Variants in TSHZ3 observed in about 807,000 individuals in gnomAD.
TSHZ3 encodes the protein teashirt homolog 3.
TSHZ3 carries 10 observed loss-of-function variants against 64.5 expected under a neutral mutation model. The ratio of observed to expected loss-of-function variants is 0.16; its 90% CI spans 0.10 to 0.26. The LOEUF (loss-of-function observed/expected upper bound fraction) is 0.26. Ranked by LOEUF, TSHZ3 falls within the 10% of genes least tolerant of loss-of-function variation. The pLI is 1.00. For synonymous variants in TSHZ3, 608 were observed against 593.1 expected, an observed-to-expected ratio of 1.03 and a Z score of -0.36; for missense variants, 1,242 against 1,421.7, an observed-to-expected ratio of 0.87 and a Z score of 2.03.
chr19:31,331,637 T>C (rs960267603), intron 1 of TSHZ3, among the ~76,000 whole-genome samples: 6 of 152,138 alleles, frequency 3.9e-5, no homozygotes, highest in Non-Finnish European at 5.9e-5. Flanking sequence ...AAACTACAAA[T>C]AGTGTTGCAA....
At chr19:31,232,509 TC>T (rs1371680466) in intron 3 of TSHZ3, among the ~76,000 whole-genome samples, 7 of 152,208 alleles carry the variant, frequency 4.6e-5, no homozygotes, top group African/African-American at 1.4e-4. Flanking sequence ...ATCCTGAAAT[TC>T]AAATGTTTAT....
Position 31,281,976 on chromosome 19 carries a change from T to C in TSHZ3, c.41-2224A>G, listed in dbSNP as rs1196999117. Among the ~76,000 whole-genome samples, 6 of 152,290 alleles carry C rather than the reference T, an allele frequency of 3.9e-5. No homozygotes were observed. In the South Asian group the frequency reaches 1.0e-3, roughly 26 times the overall value. ...ACTCAGTCTTATGCAAACTGAAGGA[T>C]GGCTTGTTACCCTAGCTGGGGCACA... On this transcript the variant is annotated intron_variant, in intron 1 of 1. Coordinates refer to ENST00000240587, the MANE Select transcript of TSHZ3 (RefSeq NM_020856.4).
At chr19:31,336,641 C>G (rs1917252239) in intron 1 of TSHZ3, among the ~76,000 whole-genome samples, 1 of 152,168 alleles carries the variant, frequency 6.6e-6, no homozygotes, top group Admixed American at 6.5e-5. Context: ...TCAGCAGGGT[C>G]TCACTCCAGT....
chr19:31,329,190 TAA>T (rs1342131443), intron 1 of TSHZ3, among the ~76,000 whole-genome samples: 4 of 152,188 alleles, frequency 2.6e-5, no homozygotes, highest in African/African-American at 9.7e-5. Flanking sequence ...TACCCAAACT[TAA>T]GAGAAAGAAA....
intron 1 of TSHZ3, among the ~76,000 whole-genome samples, chr19:31,267,249 G>C (rs377269103): frequency 6.6e-6 from 1 of 152,020 alleles, no homozygotes; most frequent in African/African-American, 2.4e-5. Flanking sequence ...CCTGAGAATT[G>C]TGCAAGAGAT....
Position 31,315,377 on chromosome 19 carries a change from C to A in TSHZ3, c.40+33803G>T, listed in dbSNP as rs1219300498. On this transcript the variant is annotated intron_variant, in intron 1 of 1. Transcript: ENST00000240587. ...TGTTCATCACTTGGGACTGATAAGT[C>A]CATTTCTCCTCCAAAGGGTGGAGCT... Among the ~76,000 whole-genome samples the A allele has an allele frequency of 7.2e-5, 11 of 152,162 alleles. 1 individual carries two copies. Among genetic ancestry groups the A allele is most frequent in the Admixed American group, 7.2e-4 (11 of 15,284 alleles).
intron 5 of TSHZ3, among the ~76,000 whole-genome samples, chr19:31,170,565 T>C (rs1599558414): frequency 1.3e-5 from 2 of 152,342 alleles, no homozygotes; most frequent in East Asian, 1.9e-4. Flanking sequence ...TTGGGTCCTG[T>C]GGTCCATCTG....
At chr19:31,163,578 A>G (rs776887206) in intron 5 of TSHZ3, among the ~76,000 whole-genome samples, 2 of 152,114 alleles carry the variant, frequency 1.3e-5, no homozygotes, top group Non-Finnish European at 2.9e-5. Flanking sequence ...TAAAAACACA[A>G]AAACTATCCA....
At chr19:31,152,852 C>T (rs560444741) in intron 6 of TSHZ3, among the ~76,000 whole-genome samples, 1 of 152,274 alleles carries the variant, frequency 6.6e-6, no homozygotes, top group African/African-American at 2.4e-5. Context: ...AGACCCATGC[C>T]TTGAATGGAA....
rs1198354760 is a variant in TSHZ3 at position 31,274,974 on chromosome 19, C to T, written c.*1573G>A. The stretch of plus-strand genomic sequence containing the variant: ...AGCAAAAAGACAATTTTAATGCTGC[C>T]GTAGAAAAAAGGGTTATATGAAGAG... On this transcript the variant is annotated 3_prime_UTR_variant, in exon 2 of 2. Coordinates refer to ENST00000240587, the MANE Select transcript of TSHZ3 (RefSeq NM_020856.4). 6.6e-6 allele frequency: 1 copy of T among 152,010 alleles called. No homozygotes were observed. Among genetic ancestry groups the T allele is most frequent in the Non-Finnish European group, 1.5e-5 (1 of 67,952 alleles). The allele number at this position is 152,010 out of a possible 1,614,324, so 9.4% of individuals were successfully genotyped here.
At position 31,275,957 on chromosome 19, in the gene TSHZ3, A is replaced by G. The variant is rs1206039270; in HGVS notation, c.*590T>C. On this transcript the variant is annotated 3_prime_UTR_variant, in exon 2 of 2. Transcript: ENST00000240587. ...TAAGAGAGTCTGAAATCTATACAAT[A>G]TATACATCTATGTTTCAATGTGAAA... The G allele has an allele frequency of 1.3e-5, 2 of 152,632 alleles. No individual in the cohort carries two copies. Among genetic ancestry groups the G allele is most frequent in the Non-Finnish European group, 2.9e-5 (2 of 68,044 alleles). The allele number at this position is 152,632 out of a possible 1,614,324, so 9.5% of individuals were successfully genotyped here. A position where few individuals can be genotyped will look rare whatever the true frequency, so the allele number is the denominator to read the frequency against.
At position 31,279,134 on chromosome 19, in the gene TSHZ3, C is replaced by G. The variant is rs1450388139; in HGVS notation, c.659G>C (p.Ser220Thr). ...GASKFRCKDC[S>T]AAYDTLVELT... Reference sequence around the variant, plus strand: ...CTCCACCAGGGTGTCGTAGGCAGCGCTGCAGTCCTTACAGCGGAACTTGCT... The same window carrying G: ...CTCCACCAGGGTGTCGTAGGCAGCGGTGCAGTCCTTACAGCGGAACTTGCT... Residue 220 changes from serine (S) to threonine (T), a missense_variant, in exon 2 of 2, where the codon AGC becomes ACC. Physicochemically the swap from Ser to Thr is moderately conservative, Grantham distance 58. This residue lies in a region of TSHZ3 where 555 missense variants were observed against 704.0 expected (regional missense o/e 0.79). Coordinates refer to ENST00000240587, the MANE Select transcript of TSHZ3 (RefSeq NM_020856.4). The surrounding 1 kb of genome is among the most constrained non-coding windows in gnomAD (Gnocchi z 6.4). 6.2e-7 allele frequency: 1 copy of G among 1,613,550 alleles called. No individual in the cohort carries two copies. The highest frequency in any genetic ancestry group is 1.3e-5 in the African/African-American group (1 of 74,918).
chr19:31,215,585 GT>G (rs1568350560), intron 4 of TSHZ3, among the ~76,000 whole-genome samples: 1 of 152,164 alleles, frequency 6.6e-6, no homozygotes, highest in African/African-American at 2.4e-5. Flanking sequence ...ACAGAAAAAG[GT>G]TCTAAGCTGG....
At chr19:31,164,971 G>A (rs548106202) in intron 5 of TSHZ3, among the ~76,000 whole-genome samples, 18 of 152,334 alleles carry the variant, frequency 1.2e-4, no homozygotes, top group Admixed American at 7.2e-4. Flanking sequence ...CGGCAGCCTC[G>A]GGCCTCAGTG....
Position 31,322,347 on chromosome 19 carries a change from G to A in TSHZ3, c.40+26833C>T, listed in dbSNP as rs148797589. The stretch of plus-strand genomic sequence containing the variant: ...AGACAGGGTTTCACCATGTTGGCTG[G>A]GTTGGTCTCAAACTCCTGCCTTTGC... On this transcript the variant is annotated intron_variant, in intron 1 of 1. Transcript: ENST00000240587. 6.9e-3 allele frequency among the ~76,000 whole-genome samples: 1,046 copies of A among 152,228 alleles called. 47 individuals carry two copies. In the South Asian group the frequency reaches 0.14, roughly 20 times the overall value.
At chr19:31,183,735 T>C (rs1974761192) in intron 5 of TSHZ3, among the ~76,000 whole-genome samples, 1 of 152,150 alleles carries the variant, frequency 6.6e-6, no homozygotes, top group African/African-American at 2.4e-5. Context: ...AGCTGATGTT[T>C]CCACCTCTTA....
chr19:31,319,925 C>T (rs1211958982), intron 1 of TSHZ3, among the ~76,000 whole-genome samples: 2 of 151,948 alleles, frequency 1.3e-5, no homozygotes, highest in Non-Finnish European at 2.9e-5. Context: ...CTAATTCTTT[C>T]CAACACACAC....
intron 1 of TSHZ3, among the ~76,000 whole-genome samples, chr19:31,282,619 C>A (rs1239677204): frequency 2.6e-5 from 4 of 152,206 alleles, no homozygotes; most frequent in Non-Finnish European, 5.9e-5. Flanking sequence ...CCAACACATG[C>A]ACCATGAATG....
At chr19:31,217,208 G>T (rs900890112) in intron 4 of TSHZ3, among the ~76,000 whole-genome samples, 36 of 152,208 alleles carry the variant, frequency 2.4e-4, no homozygotes, top group African/African-American at 8.7e-4. Context: ...GTGGCAGAAT[G>T]TTGTGGGCAG....
Sources: gnomAD v4.1 joint callset for allele counts (sites outside exome capture counted in the v4.1 genomes callset) on GRCh38, gnomAD v4.1.1 for gene constraint, gnomAD v4.1.1 regional missense constraint, Gnocchi (gnomAD v3.1) non-coding constraint, MANE v1.5 for transcripts, NCBI Gene and HGNC (gene_info 2026-07-23, HGNC 2026-07-21) for gene names.